Variants in ABCD3 observed in about 807,000 individuals in gnomAD.
ABCD3 encodes ATP-binding cassette sub-family D member 3.
Under a neutral mutation model 105.5 loss-of-function variants are expected in ABCD3, and 41 were observed. The ratio of observed to expected loss-of-function variants is 0.39; its 90% confidence interval spans 0.30 to 0.50. The LOEUF (loss-of-function observed/expected upper bound fraction) is 0.50, where lower values mean the gene tolerates loss of function less well. Among genes scored for constraint, ABCD3 ranks in the 20% least tolerant of loss-of-function variants. The probability of loss-of-function intolerance (pLI) is 0.84; values close to 1 mark genes in which losing one functional copy is unlikely to be tolerated. For missense variants in ABCD3, 622 were observed against 806.3 expected (o/e 0.77, Z 2.77); for synonymous variants, 258 against 269.0 (o/e 0.96, Z 0.40).
chr1:94,400,708 C>G, the ABCD3 span, among the ~76,000 whole-genome samples: 2 of 152,208 alleles, frequency 1.3e-5, no homozygotes. Context: ...CACTGTCAAA[C>G]TATAGTATGA....
At chr1:94,451,433 G>A (rs1418691169) in intron 1 of ABCD3, among the ~76,000 whole-genome samples, 1 of 151,806 alleles carries the variant, frequency 6.6e-6, no homozygotes, top group Non-Finnish European at 1.5e-5. Context: ...CAGGAGCATT[G>A]TCAGTCAGGG....
chr1:94,418,365 GCCGGCC>G, upstream of ABCD3: 1 of 921,208 alleles, frequency 1.1e-6, no homozygotes, highest in East Asian at 3.0e-5. Context: ...GTCCTGCGCG[GCCGGCC>G]CCGCCCTCTG....
At chr1:94,431,355 C>T (rs1242265122) in intron 1 of ABCD3, among the ~76,000 whole-genome samples, 1 of 152,160 alleles carries the variant, frequency 6.6e-6, no homozygotes, top group Non-Finnish European at 1.5e-5. Flanking sequence ...ACCCAAAGAT[C>T]ATGCCACCAA....
At chr1:94,452,114 A>G (rs1361351705) in intron 1 of ABCD3, among the ~76,000 whole-genome samples, 1 of 152,168 alleles carries the variant, frequency 6.6e-6, no homozygotes, top group African/African-American at 2.4e-5. Flanking sequence ...CATGTAATTT[A>G]TTATCCTAAC....
intron 9 of ABCD3, 120 bp from the exon 10 acceptor site, chr1:94,483,050 A>C (rs1263449467): frequency 1.7e-5 from 12 of 720,284 alleles, no homozygotes; most frequent in Non-Finnish European, 1.5e-5. Context: ...GCACCAGATA[A>C]GCTCTTAGTC....
chr1:94,409,261 G>A, the ABCD3 span, among the ~76,000 whole-genome samples: 442 of 152,198 alleles, frequency 2.9e-3, 3 homozygotes, highest in African/African-American at 9.8e-3. Context: ...TGCTTGCAAC[G>A]ATGAATACCA....
At chr1:94,499,075 C>T (rs1649972193) in intron 19 of ABCD3, 41 bp downstream of exon 19, 1 of 1,490,764 alleles carries the variant, frequency 6.7e-7, no homozygotes, top group Non-Finnish European at 9.4e-7. Flanking sequence ...GAAAATACTC[C>T]AGATTATTTA....
intron 4 of ABCD3, among the ~76,000 whole-genome samples, chr1:94,469,159 T>G (rs1173787560): frequency 6.6e-6 from 1 of 152,166 alleles, no homozygotes. Flanking sequence ...TCCTATTCTT[T>G]TTACTGCTTC....
At chr1:94,399,687 G>A in the ABCD3 span, among the ~76,000 whole-genome samples, 2 of 152,142 alleles carry the variant, frequency 1.3e-5, no homozygotes, top group East Asian at 1.9e-4. Context: ...AATATGGCTG[G>A]GTGTGGCATG....
intron 16 of ABCD3, among the ~76,000 whole-genome samples, chr1:94,497,904 G>A (rs1245665678): frequency 1.3e-5 from 2 of 152,136 alleles, no homozygotes; most frequent in Admixed American, 6.6e-5. Context: ...AAGAATATCT[G>A]TGATATATTG....
At chr1:94,462,803 C>G (rs1035035056) in intron 2 of ABCD3, among the ~76,000 whole-genome samples, 1 of 152,084 alleles carries the variant, frequency 6.6e-6, no homozygotes, top group Non-Finnish European at 1.5e-5. Flanking sequence ...AGGGTGTTGC[C>G]TACAGGTAAG....
intron 1 of ABCD3, among the ~76,000 whole-genome samples, chr1:94,431,806 A>G (rs1167039892): frequency 6.6e-6 from 1 of 152,184 alleles, no homozygotes; most frequent in African/African-American, 2.4e-5. Context: ...GGACTAAAAT[A>G]TAGTTCTTTA....
chr1:94,390,460 G>A, the ABCD3 span, among the ~76,000 whole-genome samples: 2 of 151,924 alleles, frequency 1.3e-5, no homozygotes, highest in African/African-American at 4.8e-5. Flanking sequence ...ACGCTGCCAA[G>A]CCCAGCTAAT....
chr1:94,461,690 T>G (rs1647879019), intron 2 of ABCD3, among the ~76,000 whole-genome samples: 1 of 152,116 alleles, frequency 6.6e-6, no homozygotes, highest in Non-Finnish European at 1.5e-5. Context: ...TTTCATTGAA[T>G]AATTTTGCTA....
chr1:94,469,248 G>C (rs1323212789), intron 4 of ABCD3, among the ~76,000 whole-genome samples: 2 of 152,054 alleles, frequency 1.3e-5, no homozygotes, highest in East Asian at 3.9e-4. Flanking sequence ...AAGAGTGTAA[G>C]TGTTCATTTC....
At chr1:94,514,428 A>G (rs1470851333) in intron 21 of ABCD3, 2 of 151,810 alleles carry the variant, frequency 1.3e-5, no homozygotes, top group Non-Finnish European at 2.9e-5. Flanking sequence ...AACTACAGCT[A>G]TTATCTATTA....
intron 1 of ABCD3, among the ~76,000 whole-genome samples, chr1:94,441,100 A>G (rs562825488): frequency 6.6e-6 from 1 of 152,284 alleles, no homozygotes; most frequent in African/African-American, 2.4e-5. Flanking sequence ...AGATGCAACA[A>G]AAGAAAATAT....
chr1:94,480,354 A>C (rs1648975278), intron 8 of ABCD3, 110 bp from the exon 9 acceptor site: 1 of 1,412,872 alleles, frequency 7.1e-7, no homozygotes, highest in African/African-American at 1.4e-5. Flanking sequence ...CAGTAGGGCA[A>C]TTTCTTTCAG....
chr1:94,453,792 T>C (rs1647391877), intron 1 of ABCD3, among the ~76,000 whole-genome samples: 2 of 151,846 alleles, frequency 1.3e-5, no homozygotes, highest in Admixed American at 1.3e-4. Flanking sequence ...GATTGTCTCG[T>C]GATTTATTTT....
Sources: gnomAD v4.1 joint callset for allele counts (sites outside exome capture counted in the v4.1 genomes callset) on GRCh38, gnomAD v4.1.1 for gene constraint, MANE v1.5 for transcripts, NCBI Gene and HGNC (gene_info 2026-07-23, HGNC 2026-07-21) for gene names.